The following DYNC1I1 variants were observed in gnomAD, a reference collection of about 807,000 sequenced individuals.
DYNC1I1 encodes dynein cytoplasmic 1 intermediate chain 1.
In DYNC1I1, 43 loss-of-function variants were observed where a neutral mutation model predicts 86.6. That is an observed-to-expected ratio of 0.50 (90% CI 0.39 to 0.64). The LOEUF is 0.64. DYNC1I1 is among the 30% of genes least tolerant of loss of function. The pLI, the probability that DYNC1I1 is intolerant of heterozygous loss-of-function variation, is 0.00. For missense variants in DYNC1I1, 604 were observed against 788.8 expected, an observed-to-expected ratio of 0.77 and a Z score of 2.81; for synonymous variants, 262 against 283.7, an observed-to-expected ratio of 0.92 and a Z score of 0.77.
intron 16 of DYNC1I1, among the ~76,000 whole-genome samples, chr7:96,082,305 T>C (rs1790548607): frequency 6.6e-6 from 1 of 151,996 alleles, no homozygotes; most frequent in Non-Finnish European, 1.5e-5. Context: ...GCCTTTTCTC[T>C]CTCTTTCTTT....
chr7:96,043,340 T>A (rs1219827202), intron 14 of DYNC1I1, among the ~76,000 whole-genome samples: 1 of 151,992 alleles, frequency 6.6e-6, no homozygotes, highest in East Asian at 1.9e-4. Context: ...AGGCTTACAC[T>A]CAAAATTGAA....
intron 5 of DYNC1I1, among the ~76,000 whole-genome samples, chr7:95,839,334 T>G (rs1367574138): frequency 1.3e-5 from 2 of 152,166 alleles, no homozygotes; most frequent in Non-Finnish European, 2.9e-5. Flanking sequence ...CCCAGCCTCC[T>G]TTCTCTTTTT....
At chr7:96,004,289 C>T (rs1040845526) in intron 10 of DYNC1I1, among the ~76,000 whole-genome samples, 2 of 152,210 alleles carry the variant, frequency 1.3e-5, no homozygotes, top group South Asian at 2.1e-4. Context: ...GATTTATCTT[C>T]GTTAATTTTT....
At chr7:96,002,802 T>A (rs932591970) in intron 10 of DYNC1I1, among the ~76,000 whole-genome samples, 1 of 151,842 alleles carries the variant, frequency 6.6e-6, no homozygotes, top group Admixed American at 6.6e-5. Flanking sequence ...GCTCAGCATT[T>A]TTTTTTTGGT....
chr7:96,052,891 G>A (rs1220652772), intron 14 of DYNC1I1, among the ~76,000 whole-genome samples: 1 of 152,168 alleles, frequency 6.6e-6, no homozygotes, highest in Non-Finnish European at 1.5e-5. Context: ...ATGTCATGTA[G>A]ACTGAAGGTG....
chr7:95,999,278 C>T (rs749531651), intron 10 of DYNC1I1, among the ~76,000 whole-genome samples: 7 of 152,234 alleles, frequency 4.6e-5, no homozygotes, highest in Non-Finnish European at 7.4e-5. Flanking sequence ...GAATTATCTG[C>T]GTTGAGGTAA....
intron 6 of DYNC1I1, among the ~76,000 whole-genome samples, chr7:95,888,913 T>C (rs531706273): frequency 6.6e-6 from 1 of 152,328 alleles, no homozygotes; most frequent in East Asian, 1.9e-4. Context: ...GTAATTTTGG[T>C]AATTCTGAAG....
At chr7:95,816,420 T>C (rs560722434) in intron 4 of DYNC1I1, among the ~76,000 whole-genome samples, 1 of 152,236 alleles carries the variant, frequency 6.6e-6, no homozygotes, top group Non-Finnish European at 1.5e-5. Flanking sequence ...TTTAATTTTT[T>C]AAATTTCACT....
intron 8 of DYNC1I1, among the ~76,000 whole-genome samples, chr7:95,986,747 A>C (rs1371261112): frequency 6.6e-6 from 1 of 151,870 alleles, no homozygotes; most frequent in Non-Finnish European, 1.5e-5. Context: ...AGAGCCTTTC[A>C]GGGAGAGGCT....
At chr7:95,942,639 A>C (rs200309903) in intron 6 of DYNC1I1, among the ~76,000 whole-genome samples, 1 of 151,522 alleles carries the variant, frequency 6.6e-6, no homozygotes, top group Non-Finnish European at 1.5e-5. Context: ...TACTGGCAAA[A>C]CGAATCCAGC....
At chr7:96,028,903 A>C (rs1441833298) in intron 11 of DYNC1I1, among the ~76,000 whole-genome samples, 1 of 152,120 alleles carries the variant, frequency 6.6e-6, no homozygotes, top group African/African-American at 2.4e-5. Context: ...TAAGACAACT[A>C]CTCTGTCATT....
intron 16 of DYNC1I1, among the ~76,000 whole-genome samples, chr7:96,096,248 G>A (rs1435826915): frequency 6.6e-6 from 1 of 151,978 alleles, no homozygotes; most frequent in African/African-American, 2.4e-5. Context: ...TAATCATTTG[G>A]CTCTGTGTGG....
chr7:95,929,151 T>C, intron 6 of DYNC1I1, among the ~76,000 whole-genome samples: 1 of 152,166 alleles, frequency 6.6e-6, no homozygotes, highest in Non-Finnish European at 1.5e-5. Context: ...ATTCTATCAC[T>C]AGTATTTTCT....
At chr7:95,845,883 G>A (rs972951766) in intron 5 of DYNC1I1, among the ~76,000 whole-genome samples, 7 of 152,108 alleles carry the variant, frequency 4.6e-5, no homozygotes, top group African/African-American at 1.7e-4. Context: ...ATCACCAAGT[G>A]TTTGTTCTCT....
chr7:95,818,600 C>T, intron 4 of DYNC1I1: 2 of 596,842 alleles, frequency 3.4e-6, no homozygotes, highest in Non-Finnish European at 6.1e-6. Flanking sequence ...CCTGCCTCTC[C>T]CTCCCAAAGT....
intron 14 of DYNC1I1, among the ~76,000 whole-genome samples, chr7:96,047,143 C>T (rs1252254350): frequency 2.0e-5 from 3 of 152,100 alleles, no homozygotes; most frequent in East Asian, 1.9e-4. Flanking sequence ...TAACAGGCTC[C>T]TTGAAGCCTC....
intron 5 of DYNC1I1, among the ~76,000 whole-genome samples, chr7:95,844,976 T>C (rs1294679258): frequency 6.6e-6 from 1 of 152,248 alleles, no homozygotes; most frequent in East Asian, 1.9e-4. Context: ...GCTATTTTCA[T>C]TTAAACTATA....
At chr7:96,015,872 T>A (rs1794389142) in intron 10 of DYNC1I1, among the ~76,000 whole-genome samples, 1 of 152,202 alleles carries the variant, frequency 6.6e-6, no homozygotes, top group Non-Finnish European at 1.5e-5. Context: ...CTCTTCCATA[T>A]ATCTTATAGT....
intron 7 of DYNC1I1, among the ~76,000 whole-genome samples, chr7:95,981,431 A>T (rs1249317155): frequency 6.6e-6 from 1 of 151,112 alleles, no homozygotes; most frequent in Non-Finnish European, 1.5e-5. Flanking sequence ...AGTGAAATTT[A>T]TATTCTATTG....
Sources: gnomAD v4.1 joint callset for allele counts (sites outside exome capture counted in the v4.1 genomes callset) on GRCh38, gnomAD v4.1.1 for gene constraint, MANE v1.5 for transcripts, NCBI Gene and HGNC (gene_info 2026-07-23, HGNC 2026-07-21) for gene names.